FDX1: variants seen among roughly 807,000 people sequenced by gnomAD.
The protein encoded by FDX1 is adrenodoxin, mitochondrial.
FDX1 carries 9 observed loss-of-function variants against 14.9 expected under a neutral mutation model. The observed-to-expected ratio is 0.60, with a 90% CI of 0.36 to 1.05. FDX1 has a LOEUF of 1.05. Ranked by LOEUF, FDX1 falls within the 50% of genes least tolerant of loss-of-function variation. FDX1 has a pLI of 0.01. For missense variants in FDX1, 204 were observed against 237.2 expected (o/e 0.86, Z 0.92); for synonymous variants, 92 against 99.4 (o/e 0.93, Z 0.44).
At chr11:110,446,767 C>T (rs116607923) in intron 2 of FDX1, among the ~76,000 whole-genome samples, 1,733 of 152,300 alleles carry the variant, frequency 0.011, 34 homozygotes, top group African/African-American at 0.039. Flanking sequence ...ACAGTCGGCA[C>T]GAGGGGCTGG....
chr11:110,434,522 G>A (rs1010795628), intron 1 of FDX1, among the ~76,000 whole-genome samples: 6 of 151,638 alleles, frequency 4.0e-5, no homozygotes, highest in African/African-American at 1.2e-4. Context: ...TAGTAGAGAC[G>A]GGGTTTCGCC....
chr11:110,435,920 A>T lies in FDX1; in HGVS notation c.272A>T (p.Asp91Val). 6.2e-7 allele frequency: 1 copy of T among 1,612,740 alleles called. No homozygotes were observed. The highest frequency in any genetic ancestry group is 2.2e-5 in the East Asian group (1 of 44,806). Residue 91 changes from aspartate (D) to valine (V), a missense_variant, in exon 2 of 4, where the codon GAT becomes GTT. Physicochemically the swap from Asp to Val is radical, Grantham distance 152. Transcript: ENST00000260270. Reference sequence around the variant, plus strand: ...GGAAAAGTTGGTGATTCTCTGCTAGATGTTGTGGTTGAAAATAATCTAGAT... The same window carrying T: ...GGAAAAGTTGGTGATTCTCTGCTAGTTGTTGTGGTTGAAAATAATCTAGAT... The part of the protein sequence containing the change: ...TKGKVGDSLL[D>V]VVVENNLDID...
intron 2 of FDX1, among the ~76,000 whole-genome samples, chr11:110,441,168 C>T (rs913295669): frequency 3.9e-5 from 6 of 152,188 alleles, no homozygotes; most frequent in African/African-American, 1.4e-4. Flanking sequence ...AACTGTAAGT[C>T]CATTAAACAC....
At chr11:110,458,022 T>G (rs1946533443) in intron 3 of FDX1, among the ~76,000 whole-genome samples, 1 of 152,204 alleles carries the variant, frequency 6.6e-6, no homozygotes, top group Non-Finnish European at 1.5e-5. Flanking sequence ...TCTCACATCT[T>G]CAGTGCCGTG....
At chr11:110,436,722 G>A (rs993307775) in intron 2 of FDX1, among the ~76,000 whole-genome samples, 3 of 151,964 alleles carry the variant, frequency 2.0e-5, no homozygotes, top group African/African-American at 4.8e-5. Context: ...TTCAAGGAGC[G>A]TATCTGACTC....
intron 2 of FDX1, among the ~76,000 whole-genome samples, chr11:110,443,641 A>G (rs999806305): frequency 6.6e-6 from 1 of 151,874 alleles, no homozygotes; most frequent in Non-Finnish European, 1.5e-5. Flanking sequence ...ACGGGGTTTC[A>G]CCATGTTGGG....
intron 2 of FDX1, among the ~76,000 whole-genome samples, chr11:110,446,036 C>T (rs1035783869): frequency 6.6e-6 from 1 of 152,056 alleles, no homozygotes. Flanking sequence ...CATAGAAATT[C>T]GCGTATTCAG....
chr11:110,440,906 G>C (rs1300430386), intron 2 of FDX1, among the ~76,000 whole-genome samples: 2 of 152,212 alleles, frequency 1.3e-5, no homozygotes, highest in African/African-American at 4.8e-5. Flanking sequence ...TGGTCTGGCT[G>C]TGTCCACACC....
At chr11:110,433,285 T>G (rs1946343008) in intron 1 of FDX1, among the ~76,000 whole-genome samples, 1 of 152,232 alleles carries the variant, frequency 6.6e-6, no homozygotes, top group Non-Finnish European at 1.5e-5. Context: ...TGCCATCTGG[T>G]GTTTGGACAT....
rs1400916838 is a variant in FDX1, at chr11:110,444,674, A to G, written c.310+8716A>G. 5.6e-4 allele frequency among the ~76,000 whole-genome samples: 45 copies of G among 80,318 alleles called. 1 individual carries two copies. The highest frequency in any genetic ancestry group is 5.3e-3 in the Middle Eastern group (1 of 188). 52.7% of individuals were successfully genotyped at this position (80,318 alleles called of 152,430 possible). On this transcript the variant is annotated intron_variant, in intron 2 of 3. Transcript: ENST00000260270. ...TGTATATATATATATACGTATATAT[A>G]TATATATATACACGTATATATATAT...
intron 1 of FDX1, among the ~76,000 whole-genome samples, chr11:110,435,455 G>A (rs1408121851): frequency 6.6e-6 from 1 of 152,220 alleles, no homozygotes; most frequent in Non-Finnish European, 1.5e-5. Flanking sequence ...GCGTTGACCA[G>A]GTAGTCATTG....
Position 110,462,338 on chromosome 11 carries a change from C to T in FDX1, c.441-16C>T, listed in dbSNP as rs745571962. Reference sequence around the variant, plus strand: ...ATACGTAATACTAAACCATACCTTCCCCCTTTTCCATACAGATCACGGTTG... The same window carrying T: ...ATACGTAATACTAAACCATACCTTCTCCCTTTTCCATACAGATCACGGTTG... On this transcript the variant is annotated splice_polypyrimidine_tract_variant and intron_variant, in intron 3 of 3. Transcript: ENST00000260270. The T allele has an allele frequency of 3.4e-6, 5 of 1,457,788 alleles. No individual in the cohort carries two copies. The Admixed American group carries it at 6.7e-5, about 20-fold the overall frequency. 90.3% of individuals were successfully genotyped at this position (1,457,788 alleles called of 1,614,324 possible). A position where few individuals can be genotyped will look rare whatever the true frequency, so the allele number is the denominator to read the frequency against.
chr11:110,454,996 GT>G, intron 2 of FDX1, among the ~76,000 whole-genome samples: 1 of 152,082 alleles, frequency 6.6e-6, no homozygotes, highest in Non-Finnish European at 1.5e-5. Context: ...TCACGATGGT[GT>G]TTTTTTGTTT....
chr11:110,440,456 T>C (rs1168590027), intron 2 of FDX1, among the ~76,000 whole-genome samples: 1 of 152,208 alleles, frequency 6.6e-6, no homozygotes, highest in South Asian at 2.1e-4. Context: ...GGTATCTGTG[T>C]CTCTGCTTTT....
chr11:110,440,498 A>G (rs943508700), intron 2 of FDX1, among the ~76,000 whole-genome samples: 1 of 152,170 alleles, frequency 6.6e-6, no homozygotes. Flanking sequence ...GATTTCTGCC[A>G]TATGGTGGAG....
intron 2 of FDX1, among the ~76,000 whole-genome samples, chr11:110,439,348 C>T (rs1479933465): frequency 2.0e-5 from 3 of 152,008 alleles, no homozygotes; most frequent in Non-Finnish European, 1.5e-5. Context: ...CCTGGGATTA[C>T]AGGTGCATGC....
chr11:110,453,636 C>A (rs768690334), intron 2 of FDX1, among the ~76,000 whole-genome samples: 1 of 151,292 alleles, frequency 6.6e-6, no homozygotes, highest in African/African-American at 2.4e-5. Context: ...TTTTAATAAA[C>A]CGTATAGGTT....
chr11:110,437,498 C>T (rs1946377915), intron 2 of FDX1, among the ~76,000 whole-genome samples: 1 of 152,238 alleles, frequency 6.6e-6, no homozygotes, highest in South Asian at 2.1e-4. Context: ...AGACTCAAAC[C>T]TGTCTTGAAG....
intron 2 of FDX1, among the ~76,000 whole-genome samples, chr11:110,449,252 A>G (rs780751477): frequency 2.6e-5 from 4 of 152,250 alleles, no homozygotes; most frequent in African/African-American, 4.8e-5. Context: ...ACTAAAATGT[A>G]TATACTTTTA....
Sources: gnomAD v4.1 joint callset for allele counts (sites outside exome capture counted in the v4.1 genomes callset) on GRCh38, gnomAD v4.1.1 for gene constraint, MANE v1.5 for transcripts, NCBI Gene and HGNC (gene_info 2026-07-23, HGNC 2026-07-21) for gene names.